The following CFAP47 variants were observed in gnomAD, a reference collection of about 807,000 sequenced individuals.
CFAP47 encodes the protein cilia and flagella associated protein 47.
Under a neutral mutation model 148.1 loss-of-function variants are expected in CFAP47, and 29 were observed. That is an observed-to-expected ratio of 0.20 (90% CI 0.15 to 0.27). The LOEUF is 0.27. CFAP47 is among the 10% of genes least tolerant of loss of function. CFAP47 has a pLI of 1.00. For synonymous variants in CFAP47, 664 were observed against 577.3 expected (o/e 1.15, Z -2.15); for missense variants, 1,872 against 1,697.5 (o/e 1.10, Z -1.81).
intron 49 of CFAP47, among the ~76,000 whole-genome samples, chrX:36,272,661 T>G (rs1264174761): frequency 1.8e-5 from 2 of 111,606 alleles, no homozygotes; most frequent in Non-Finnish European, 3.8e-5. Flanking sequence ...TAATAAAGAC[T>G]GCTTTGACAT....
chrX:36,006,613 A>C (rs2146697416), intron 21 of CFAP47, among the ~76,000 whole-genome samples: 1 of 112,247 alleles, frequency 8.9e-6, no homozygotes, highest in Non-Finnish European at 1.9e-5. Flanking sequence ...TGTGAAATCA[A>C]CAATACATGA....
At chrX:36,004,552 T>C (rs1016057467) in intron 21 of CFAP47, among the ~76,000 whole-genome samples, 2 of 110,712 alleles carry the variant, frequency 1.8e-5, no homozygotes, top group Admixed American at 2.0e-4. Flanking sequence ...GGTATATCCA[T>C]ACTCTATAAT....
At chrX:35,949,140 AGTGTGTGTGTGTGT>A (rs201452327) in intron 4 of CFAP47, among the ~76,000 whole-genome samples, 2 of 86,975 alleles carry the variant, frequency 2.3e-5, no homozygotes, top group East Asian at 3.8e-4. Flanking sequence ...GCATCTGTGG[AGTGTGTGTGTGTGT>A]GTGTGTGTGT....
chrX:36,346,180 A>G (rs148873794), intron 57 of CFAP47, among the ~76,000 whole-genome samples: 101 of 110,838 alleles, frequency 9.1e-4, no homozygotes, highest in African/African-American at 3.2e-3. Flanking sequence ...CCAAGAGGTA[A>G]TTTGTTTTTT....
At chrX:36,382,848 G>A (rs948514819) in intron 63 of CFAP47, among the ~76,000 whole-genome samples, 1 of 111,036 alleles carries the variant, frequency 9.0e-6, no homozygotes, top group Admixed American at 9.7e-5. Flanking sequence ...TGAGATGTTA[G>A]TAATATGGAA....
rs782284912 is a variant in CFAP47, at chrX:36,278,850, C to T, written c.7445-1637C>T. 2.3e-3 allele frequency among the ~76,000 whole-genome samples: 258 copies of T among 111,832 alleles called. 1 individual carries two copies. The highest frequency in any genetic ancestry group is 3.5e-3 in the Non-Finnish European group (186 of 53,193). The stretch of plus-strand genomic sequence containing the variant: ...TTCACACAGCACATCTTATTTAGGA[C>T]TACCAACATTTTAATTGCTCAGTAG... On this transcript the variant is annotated intron_variant, in intron 49 of 63. Coordinates refer to ENST00000378653, the MANE Select transcript of CFAP47 (RefSeq NM_001304548.2).
At chrX:36,239,298 T>G (rs1246461952) in intron 48 of CFAP47, among the ~76,000 whole-genome samples, 12 of 112,571 alleles carry the variant, frequency 1.1e-4, no homozygotes, top group African/African-American at 2.9e-4. Flanking sequence ...TTCAGTGATC[T>G]TGAAATTAAA....
intron 13 of CFAP47, 152 bp downstream of exon 13, chrX:35,972,117 G>A (rs1936502626): frequency 2.4e-6 from 1 of 419,347 alleles, no homozygotes; most frequent in Non-Finnish European, 4.1e-6. Context: ...TATTAAGTAT[G>A]ACTGAGAGAA....
chrX:36,122,186 G>T (rs1300017750), intron 33 of CFAP47, among the ~76,000 whole-genome samples: 1 of 111,280 alleles, frequency 9.0e-6, no homozygotes, highest in Non-Finnish European at 1.9e-5. Flanking sequence ...GAGCACAATT[G>T]TATGTTATTT....
intron 48 of CFAP47, among the ~76,000 whole-genome samples, chrX:36,245,668 C>T (rs1418218051): frequency 1.8e-5 from 2 of 111,031 alleles, no homozygotes; most frequent in Admixed American, 9.6e-5. Context: ...ATGTGAAACA[C>T]GCTCTAAGGG....
chrX:35,948,129 G>A (rs932053290), intron 3 of CFAP47, among the ~76,000 whole-genome samples, 185 bp from the exon 4 acceptor site: 5 of 112,012 alleles, frequency 4.5e-5, no homozygotes. Context: ...ATCTCATAAT[G>A]TTGTAAGAAA....
At chrX:36,219,032 T>C (rs1940187446) in intron 45 of CFAP47, among the ~76,000 whole-genome samples, 1 of 111,279 alleles carries the variant, frequency 9.0e-6, no homozygotes, top group African/African-American at 3.3e-5. Flanking sequence ...TCAGAGACAA[T>C]AGATGCTAAA....
chrX:36,285,913 A>G (rs1228811902), intron 51 of CFAP47, among the ~76,000 whole-genome samples, 187 bp downstream of exon 51: 1 of 111,958 alleles, frequency 8.9e-6, no homozygotes, highest in Non-Finnish European at 1.9e-5. Context: ...TTTGGAAAAC[A>G]TCTTTTAGTT....
chrX:35,942,486 C>G (rs1936024305), intron 3 of CFAP47, among the ~76,000 whole-genome samples: 1 of 111,339 alleles, frequency 9.0e-6, no homozygotes, highest in African/African-American at 3.3e-5. Context: ...CGTTTGTGGC[C>G]TGACTCGAGT....
chrX:36,079,267 G>A (rs977940544), intron 29 of CFAP47, among the ~76,000 whole-genome samples: 4 of 112,056 alleles, frequency 3.6e-5, no homozygotes, highest in Admixed American at 1.9e-4. Flanking sequence ...ATCCTGCAGA[G>A]TGTTTTCCAA....
chrX:36,294,798 G>T (rs1272046655), intron 51 of CFAP47, among the ~76,000 whole-genome samples: 1 of 111,858 alleles, frequency 8.9e-6, no homozygotes, highest in Non-Finnish European at 1.9e-5. Flanking sequence ...TCTAATATTT[G>T]TTTTAAAAGT....
chrX:36,306,539 C>T (rs1336891818), intron 54 of CFAP47, among the ~76,000 whole-genome samples: 1 of 111,024 alleles, frequency 9.0e-6, no homozygotes, highest in Non-Finnish European at 1.9e-5. Context: ...ATGAGTCCTC[C>T]AAGTGGTGAT....
Position 35,923,906 on chromosome X carries a change from C to CATATAT in CFAP47, c.250-2109_250-2108insATATAT, listed in dbSNP as rs748975154. Among the ~76,000 whole-genome samples the CATATAT allele has an allele frequency of 1.8e-4, 11 of 60,248 alleles. No homozygotes were observed. In the East Asian group the frequency reaches 2.0e-3, roughly 11 times the overall value. The allele number at this position is 60,248 out of a possible 115,157, so 52.3% of individuals were successfully genotyped here. A position where few individuals can be genotyped will look rare whatever the true frequency, so the allele number is the denominator to read the frequency against. ...GTACATATATATGTGTATATATGTA[C>CATATAT]ATGTGTATATATGTACATATATATG... is the stretch of plus-strand genomic sequence containing the variant. On this transcript the variant is annotated intron_variant, in intron 1 of 63. Transcript: ENST00000378653.
intron 21 of CFAP47, among the ~76,000 whole-genome samples, chrX:36,007,862 G>A (rs1936997718): frequency 9.0e-6 from 1 of 111,546 alleles, no homozygotes; most frequent in Non-Finnish European, 1.9e-5. Flanking sequence ...TGTTTCAGGA[G>A]GGAGAAAGGC....
Sources: gnomAD v4.1 joint callset for allele counts (sites outside exome capture counted in the v4.1 genomes callset) on GRCh38, gnomAD v4.1.1 for gene constraint, MANE v1.5 for transcripts, NCBI Gene and HGNC (gene_info 2026-07-23, HGNC 2026-07-21) for gene names.